The following TNFRSF8 variants were observed in gnomAD, a reference collection of about 807,000 sequenced individuals.
The protein encoded by TNFRSF8 is tumor necrosis factor receptor superfamily member 8.
In TNFRSF8, 26 loss-of-function variants were observed where a neutral mutation model predicts 70.8. The ratio of observed to expected loss-of-function variants is 0.37; its 90% CI spans 0.27 to 0.51. The LOEUF (loss-of-function observed/expected upper bound fraction) is 0.51. TNFRSF8 is among the 20% of genes least tolerant of loss of function. The pLI is 0.94. For synonymous variants in TNFRSF8, 356 were observed against 339.2 expected, an observed-to-expected ratio of 1.05 and a Z score of -0.54; for missense variants, 720 against 807.9, an observed-to-expected ratio of 0.89 and a Z score of 1.32.
chr1:12,079,930 C>T (rs920031582), intron 1 of TNFRSF8, among the ~76,000 whole-genome samples: 8 of 149,962 alleles, frequency 5.3e-5, no homozygotes, highest in Non-Finnish European at 1.2e-4. Flanking sequence ...TTTATCACTA[C>T]TTTATTTTTT....
Position 12,110,124 on chromosome 1 carries a change from G to T in TNFRSF8, c.596G>T (p.Arg199Leu). Residue 199 changes from arginine to leucine, a missense_variant, in exon 6 of 15, where the codon CGC becomes CTC. Coordinates refer to ENST00000263932, the MANE Select transcript of TNFRSF8 (RefSeq NM_001243.5). This position sits in a 1 kb window ranked among gnomAD's most constrained non-coding sequence, Gnocchi z 4.0. ...ACCATGCCTGTAAGAGGGGGCACCC[G>T]CCTCGCCCAGGAAGCTGCTTCTAAA... ...ASTMPVRGGT[R>L]LAQEAASKLT... The T allele has an allele frequency of 6.2e-7, 1 of 1,613,650 alleles. No homozygotes were observed. The highest frequency in any genetic ancestry group is 8.5e-7 in the Non-Finnish European group (1 of 1,179,840).
rs569772438 is a variant in TNFRSF8 at position 12,099,154 on chromosome 1, C to CT, written c.268+1945dup. Among the ~76,000 whole-genome samples, 164 of 151,678 alleles carry CT rather than the reference C, an allele frequency of 1.1e-3. 1 individual carries two copies. The highest frequency in any genetic ancestry group is 2.3e-3 in the Admixed American group (35 of 15,208). On this transcript the variant is annotated intron_variant, in intron 3 of 14. Coordinates refer to ENST00000263932, the MANE Select transcript of TNFRSF8 (RefSeq NM_001243.5). Reference sequence around the variant, plus strand: ...TGTCTGTTGCCTATATTTTTGTTTTCTTTTTTTTCTTTTTGAGACAGAGTC... The same window carrying CT: ...TGTCTGTTGCCTATATTTTTGTTTTCTTTTTTTTTCTTTTTGAGACAGAGTC...
rs922747386 is a variant in TNFRSF8 at position 12,123,802 on chromosome 1, C to T, written c.1128C>T (p.Ser376=). ...IPTSAPVALS[S]TGKPVLDAGP... ...CCAGCGCTCCCGTCGCTCTCTCCTC[C>T]ACGGGGAAGCCCGTTCTGGATGCAG... is the stretch of plus-strand genomic sequence containing the variant. Residue 376 remains serine (S), a synonymous_variant, in exon 10 of 15, where the codon TCC becomes TCT. Transcript: ENST00000263932. 1.0e-5 allele frequency: 16 copies of T among 1,573,258 alleles called. No individual in the cohort carries two copies. The highest frequency in any genetic ancestry group is 1.3e-5 in the Non-Finnish European group (15 of 1,158,740).
rs955253781 is a variant in TNFRSF8, at chr1:12,063,682, T to C, written c.63+21T>C. On this transcript the variant is annotated intron_variant, in intron 1 of 14. Coordinates refer to ENST00000263932, the MANE Select transcript of TNFRSF8 (RefSeq NM_001243.5). This position sits in a 1 kb window ranked among gnomAD's most constrained non-coding sequence, Gnocchi z 7.2. Reference sequence around the variant, plus strand: ...CACAGGTAAGCGGGTGACGGGCGCCTGGGGAGGTGCCGGCGGTCCAGAGCC... The same window carrying C: ...CACAGGTAAGCGGGTGACGGGCGCCCGGGGAGGTGCCGGCGGTCCAGAGCC... 1.8e-5 allele frequency: 23 copies of C among 1,266,944 alleles called. No homozygotes were observed. The highest frequency in any genetic ancestry group is 2.3e-5 in the Non-Finnish European group (23 of 997,304). The allele number at this position is 1,266,944 out of a possible 1,614,324, so 78.5% of individuals were successfully genotyped here. A position where few individuals can be genotyped will look rare whatever the true frequency, so the allele number is the denominator to read the frequency against.
chr1:12,116,778 C>T (rs1209891748), intron 8 of TNFRSF8, among the ~76,000 whole-genome samples: 3 of 151,938 alleles, frequency 2.0e-5, no homozygotes, highest in Non-Finnish European at 1.5e-5. Flanking sequence ...CCAGCCTGGG[C>T]AACAGGGCGA....
chr1:12,089,830 C>T (rs995960713), intron 2 of TNFRSF8, among the ~76,000 whole-genome samples: 1 of 151,156 alleles, frequency 6.6e-6, no homozygotes, highest in African/African-American at 2.5e-5. Context: ...TTCATCTACA[C>T]ATCCATCTAC....
chr1:12,086,727 TGA>T (rs758442137), intron 2 of TNFRSF8, among the ~76,000 whole-genome samples: 112 of 152,170 alleles, frequency 7.4e-4, no homozygotes, highest in Admixed American at 1.4e-3. Flanking sequence ...TGGTTTCTGG[TGA>T]GGGCTGTCTT....
intron 13 of TNFRSF8, among the ~76,000 whole-genome samples, chr1:12,137,691 G>A (rs1350319320): frequency 2.0e-5 from 3 of 151,922 alleles, no homozygotes; most frequent in Non-Finnish European, 4.4e-5. Context: ...ATGCTTGAGT[G>A]TGATCATAAA....
intron 12 of TNFRSF8, among the ~76,000 whole-genome samples, chr1:12,134,967 G>A (rs1570083138): frequency 2.6e-5 from 4 of 152,072 alleles, no homozygotes; most frequent in South Asian, 2.1e-4. Context: ...TTGCATGTGC[G>A]CGGGGGTGGG....
At chr1:12,137,342 G>A (rs1018069108) in intron 13 of TNFRSF8, among the ~76,000 whole-genome samples, 20 of 152,056 alleles carry the variant, frequency 1.3e-4, no homozygotes, top group Non-Finnish European at 2.2e-4. Context: ...TGGCAAAGAC[G>A]TGATTACTTT....
intron 12 of TNFRSF8, among the ~76,000 whole-genome samples, chr1:12,133,811 G>A (rs993503608): frequency 6.6e-6 from 1 of 150,734 alleles, no homozygotes; most frequent in East Asian, 1.9e-4. Context: ...CCAGCACTTC[G>A]AGAGGCCGAG....
At chr1:12,094,664 C>G (rs979094354) in intron 2 of TNFRSF8, among the ~76,000 whole-genome samples, 1 of 132,074 alleles carries the variant, frequency 7.6e-6, no homozygotes, top group African/African-American at 2.9e-5. Context: ...CTCACTCTAT[C>G]GCCCAGGCTG....
rs1359542970 is a variant in TNFRSF8, at chr1:12,108,202, C to A, written c.422-1364C>A. On this transcript the variant is annotated intron_variant, in intron 4 of 14. Transcript: ENST00000263932. The surrounding 1 kb of genome is among the most constrained non-coding windows in gnomAD (Gnocchi z 4.0). ...CAAGTGATTCTCCTGCCTCAGCCTC[C>A]TGAGTAGCTGGGATTACAGGTACCT... Among the ~76,000 whole-genome samples the A allele has an allele frequency of 6.6e-6, 1 of 151,948 alleles. No homozygotes were observed. Among genetic ancestry groups the A allele is most frequent in the Admixed American group, 6.6e-5 (1 of 15,236 alleles).
In TNFRSF8 at chr1:12,136,649, GA is replaced by G. The variant is rs55656730; in HGVS notation, c.1335+1054del. Among the ~76,000 whole-genome samples the G allele has an allele frequency of 4.3e-3, 523 of 122,250 alleles. 2 individuals are homozygous for G. The highest frequency in any genetic ancestry group is 5.7e-3 in the Admixed American group (68 of 11,832). 80.2% of individuals were successfully genotyped at this position (122,250 alleles called of 152,430 possible). On this transcript the variant is annotated intron_variant, in intron 13 of 14. Coordinates refer to ENST00000263932, the MANE Select transcript of TNFRSF8 (RefSeq NM_001243.5). ...CGGGTAACAGAGTGAGACTCCATCT[GA>G]AAAAAAAAAAAAAAAAAGGCAGTCT... is the stretch of plus-strand genomic sequence containing the variant.
At chr1:12,071,712 C>T (rs1003452987) in intron 1 of TNFRSF8, among the ~76,000 whole-genome samples, 3 of 151,860 alleles carry the variant, frequency 2.0e-5, no homozygotes, top group East Asian at 1.9e-4. Context: ...CACAAGCACC[C>T]GCCACCACGC....
rs1438682888 is a variant in TNFRSF8 at position 12,119,453 on chromosome 1, A to G, written c.946+3724A>G. Among the ~76,000 whole-genome samples the G allele has an allele frequency of 1.3e-5, 2 of 152,094 alleles. No homozygotes were observed. The highest frequency in any genetic ancestry group is 1.5e-5 in the Non-Finnish European group (1 of 68,028). On this transcript the variant is annotated intron_variant, in intron 8 of 14. Coordinates refer to ENST00000263932, the MANE Select transcript of TNFRSF8 (RefSeq NM_001243.5). This position sits in a 1 kb window ranked among gnomAD's most constrained non-coding sequence, Gnocchi z 4.4. ...GATTAATGGAAATTACCCACGCTACATGTAATAGATGCACCACCATGATTT... is the reference window on the plus strand; with the variant it reads ...GATTAATGGAAATTACCCACGCTACGTGTAATAGATGCACCACCATGATTT...
At chr1:12,071,930 C>G (rs1640854943) in intron 1 of TNFRSF8, among the ~76,000 whole-genome samples, 1 of 152,160 alleles carries the variant, frequency 6.6e-6, no homozygotes, top group Admixed American at 6.5e-5. Flanking sequence ...CTCCTGACCT[C>G]AAGTGATCCA....
chr1:12,109,936 C>A lies in TNFRSF8; in HGVS notation c.513-105C>A. On this transcript the variant is annotated intron_variant, in intron 5 of 14. Transcript: ENST00000263932. The surrounding 1 kb of genome is among the most constrained non-coding windows in gnomAD (Gnocchi z 4.4). ...CAGTGGGCCCGCCAGAGGCAGTGGG[C>A]CAAGGGCCTGGGACCCCATCTCTGT... The A allele has an allele frequency of 7.1e-7, 1 of 1,408,524 alleles. No individual in the cohort carries two copies. Among genetic ancestry groups the A allele is most frequent in the Non-Finnish European group, 9.7e-7 (1 of 1,031,342 alleles). 87.3% of individuals were successfully genotyped at this position (1,408,524 alleles called of 1,614,324 possible).
intron 2 of TNFRSF8, among the ~76,000 whole-genome samples, chr1:12,086,672 A>C (rs2100971317): frequency 6.6e-6 from 1 of 152,042 alleles, no homozygotes; most frequent in African/African-American, 2.4e-5. Flanking sequence ...TATTTCTTAC[A>C]GTTCTGGAGG....
Sources: allele counts gnomAD v4.1 joint callset (sites outside exome capture counted in the v4.1 genomes callset), GRCh38; gene constraint gnomAD v4.1.1; non-coding constraint Gnocchi (gnomAD v3.1); transcripts MANE v1.5; gene names NCBI Gene and HGNC (gene_info 2026-07-23, HGNC 2026-07-21).